TAF5L: variants seen among roughly 807,000 people sequenced by gnomAD.
TAF5L encodes the protein TAF5-like RNA polymerase II p300/CBP-associated factor-associated factor 65 kDa subunit 5L.
Under a neutral mutation model 51.3 loss-of-function variants are expected in TAF5L, and 7 were observed. The observed-to-expected ratio is 0.14, with a 90% CI of 0.08 to 0.26. The LOEUF (loss-of-function observed/expected upper bound fraction) is 0.26, where lower values mean the gene tolerates loss of function less well. Ranked by LOEUF, TAF5L falls within the 10% of genes least tolerant of loss-of-function variation. The pLI, the probability that TAF5L is intolerant of heterozygous loss-of-function variation, is 1.00. For synonymous variants in TAF5L, 291 were observed against 308.1 expected (o/e 0.94, Z 0.58); for missense variants, 575 against 758.9 (o/e 0.76, Z 2.85).
chr1:229,603,054 A>AT lies in TAF5L; in HGVS notation c.248-136_248-135insA. 3 of 1,409,258 alleles carry AT rather than the reference A, an allele frequency of 2.1e-6. No individual in the cohort carries two copies. The Admixed American group carries it at 9.2e-5, about 43-fold the overall frequency. 87.3% of individuals were successfully genotyped at this position (1,409,258 alleles called of 1,614,324 possible). The stretch of plus-strand genomic sequence containing the variant: ...TTTTTAAGAGTACTGATTGAACTAT[A>AT]AGCCCAACACAGGATTCTGGAATTT... On this transcript the variant is annotated intron_variant, in intron 3 of 4. Transcript: ENST00000258281.
chr1:229,608,721 C>T (rs554498608), intron 3 of TAF5L, among the ~76,000 whole-genome samples: 2 of 152,164 alleles, frequency 1.3e-5, no homozygotes, highest in Non-Finnish European at 2.9e-5. Flanking sequence ...AATGTCTTGG[C>T]TGGGTGTGGT....
intron 3 of TAF5L, chr1:229,606,396 C>A (rs1156419203): frequency 1.0e-6 from 1 of 981,000 alleles, no homozygotes; most frequent in Non-Finnish European, 1.2e-6. Context: ...TATCTACCCA[C>A]TGAAATGTAA....
rs1251827125 is a variant in TAF5L, at chr1:229,602,636, G to A, written c.531C>T (p.Arg177=). ...CAGTATTGTTGTCACTTTGGAGGTA[G>A]CGGATAAGGTAGTTGTAGCTGTCTT... The change falls in exon 4 of 5, where the codon CGC becomes CGT. Residue 177 remains arginine (R), a synonymous_variant. Transcript: ENST00000258281. This position sits in a 1 kb window ranked among gnomAD's most constrained non-coding sequence, Gnocchi z 4.6. The A allele has an allele frequency of 1.2e-6, 2 of 1,614,078 alleles. No homozygotes were observed. Among genetic ancestry groups the A allele is most frequent in the Non-Finnish European group, 1.7e-6 (2 of 1,180,048 alleles).
chr1:229,604,721 G>A (rs572083711), intron 3 of TAF5L, among the ~76,000 whole-genome samples: 2 of 152,142 alleles, frequency 1.3e-5, no homozygotes, highest in African/African-American at 2.4e-5. Context: ...ATCAGCTTGC[G>A]AGATGAGTGC....
At chr1:229,620,102 A>C (rs1665150425) in intron 1 of TAF5L, among the ~76,000 whole-genome samples, 1 of 152,142 alleles carries the variant, frequency 6.6e-6, no homozygotes, top group African/African-American at 2.4e-5. Context: ...CTTACTTCAA[A>C]GAGGCCACCA....
rs185432417 is a variant in TAF5L at position 229,616,645 on chromosome 1, G to T, written c.-3-2160C>A. Among the ~76,000 whole-genome samples, 979 of 152,174 alleles carry T rather than the reference G, an allele frequency of 6.4e-3. 9 individuals carry two copies. The highest frequency in any genetic ancestry group is 0.011 in the Non-Finnish European group (765 of 67,998). On this transcript the variant is annotated intron_variant, in intron 1 of 4. Coordinates refer to ENST00000258281, the Ensembl canonical transcript of TAF5L. ...CTAACACACTGTCCCAATACCATTT[G>T]CAAGTAATTATTTCCTTCTAAACTG... is the stretch of plus-strand genomic sequence containing the variant.
chr1:229,624,193 C>G (rs1232362631), intron 1 of TAF5L, among the ~76,000 whole-genome samples: 1 of 152,184 alleles, frequency 6.6e-6, no homozygotes, highest in African/African-American at 2.4e-5. Context: ...TTAAGTGAGG[C>G]CTTTACCTAG....
chr1:229,602,336 G>T lies in TAF5L; in HGVS notation c.831C>A (p.Ser277=). The T allele has an allele frequency of 6.2e-7, 1 of 1,614,162 alleles. No individual in the cohort carries two copies. Among genetic ancestry groups the T allele is most frequent in the Non-Finnish European group, 8.5e-7 (1 of 1,180,030 alleles). Residue 277 remains serine, a synonymous_variant, in exon 4 of 5, where the codon TCC becomes TCA. Transcript: ENST00000258281. The surrounding 1 kb of genome is among the most constrained non-coding windows in gnomAD (Gnocchi z 4.6). ...CAGCAGCAAGCAGCTTGCTATCGGG[G>T]GAGATTTCTGCAGTGTTCAACAGCT...
At chr1:229,609,477 C>T (rs1253132551) in intron 3 of TAF5L, among the ~76,000 whole-genome samples, 4 of 152,062 alleles carry the variant, frequency 2.6e-5, no homozygotes, top group Admixed American at 6.5e-5. Flanking sequence ...CATCCCTTTC[C>T]GATTTATCTT....
chr1:229,602,925 A>G lies in TAF5L; in HGVS notation c.248-6T>C. The G allele has an allele frequency of 6.3e-7, 1 of 1,579,246 alleles. No homozygotes were observed. The highest frequency in any genetic ancestry group is 8.5e-7 in the Non-Finnish European group (1 of 1,170,776). ...GCTATGCTGGGAATCAGAATCTATA[A>G]TGAAAGAAAAAGAAGGCTTTATAAT... On this transcript the variant is annotated splice_polypyrimidine_tract_variant and splice_region_variant and intron_variant, in intron 3 of 4. Coordinates refer to ENST00000258281, the Ensembl canonical transcript of TAF5L. The surrounding 1 kb of genome is among the most constrained non-coding windows in gnomAD (Gnocchi z 4.6).
chr1:229,616,576 T>C (rs1377053828), intron 1 of TAF5L, among the ~76,000 whole-genome samples: 1 of 152,202 alleles, frequency 6.6e-6, no homozygotes, highest in Non-Finnish European at 1.5e-5. Flanking sequence ...TTTTAGTGTA[T>C]GTGTGGTGAA....
chr1:229,610,683 T>G (rs1233819521), intron 2 of TAF5L, among the ~76,000 whole-genome samples: 1 of 152,196 alleles, frequency 6.6e-6, no homozygotes, highest in Non-Finnish European at 1.5e-5. Flanking sequence ...AATTTCAAGG[T>G]CGGATATCCT....
intron 3 of TAF5L, chr1:229,607,474 A>G: frequency 1.0e-6 from 1 of 984,958 alleles, no homozygotes; most frequent in Non-Finnish European, 1.2e-6. Flanking sequence ...CTTTTTGCTC[A>G]TGTTATTTCT....
chr1:229,608,904 C>T (rs1041151883), intron 3 of TAF5L, among the ~76,000 whole-genome samples: 7 of 151,926 alleles, frequency 4.6e-5, no homozygotes, highest in African/African-American at 1.7e-4. Flanking sequence ...CTCAGGAGGC[C>T]GAGATGGGAG....
intron 4 of TAF5L, chr1:229,599,911 C>T (rs947880985): frequency 2.0e-5 from 20 of 985,324 alleles, no homozygotes; most frequent in Non-Finnish European, 2.3e-5. Context: ...TGCAAGCTGG[C>T]TTTTTAATCT....
chr1:229,600,004 T>C (rs1664308489), intron 4 of TAF5L: 1 of 985,496 alleles, frequency 1.0e-6, no homozygotes. Context: ...TTGGTTTCTC[T>C]AGGTATGTGA....
chr1:229,621,618 C>T (rs867197381), intron 1 of TAF5L, among the ~76,000 whole-genome samples: 1 of 151,978 alleles, frequency 6.6e-6, no homozygotes, highest in Non-Finnish European at 1.5e-5. Flanking sequence ...AAAAGGTAAG[C>T]CCAAACCTAT....
Position 229,602,994 on chromosome 1 carries a change from C to T in TAF5L, c.248-75G>A, listed in dbSNP as rs528334239. 141 of 1,487,250 alleles carry T rather than the reference C, an allele frequency of 9.5e-5. No individual in the cohort carries two copies. Among genetic ancestry groups the T allele is most frequent in the Non-Finnish European group, 9.9e-5 (112 of 1,128,610 alleles). The allele number at this position is 1,487,250 out of a possible 1,614,324, so 92.1% of individuals were successfully genotyped here. A position where few individuals can be genotyped will look rare whatever the true frequency, so the allele number is the denominator to read the frequency against. On this transcript the variant is annotated intron_variant, in intron 3 of 4. Transcript: ENST00000258281. This position sits in a 1 kb window ranked among gnomAD's most constrained non-coding sequence, Gnocchi z 4.6. ...TAACGTGATCCCTCCTGGGGATCAC[C>T]ACCATCATATAATGCTTTCTTGCCA... is the stretch of plus-strand genomic sequence containing the variant.
At position 229,619,425 on chromosome 1, in the gene TAF5L, C is replaced by T. The variant is rs575407599; in HGVS notation, c.-3-4940G>A. On this transcript the variant is annotated intron_variant, in intron 1 of 4. Transcript: ENST00000258281. Reference sequence around the variant, plus strand: ...AAATAAAATGGCACATGGATAAGGCCGTAGCTGGGCTCAGGACGCAGTGAA... The same window carrying T: ...AAATAAAATGGCACATGGATAAGGCTGTAGCTGGGCTCAGGACGCAGTGAA... Among the ~76,000 whole-genome samples the T allele has an allele frequency of 5.9e-5, 9 of 152,228 alleles. No individual in the cohort carries two copies. In the South Asian group the frequency reaches 1.7e-3, roughly 28 times the overall value.
Sources: allele counts gnomAD v4.1 joint callset (sites outside exome capture counted in the v4.1 genomes callset), GRCh38; gene constraint gnomAD v4.1.1; non-coding constraint Gnocchi (gnomAD v3.1); transcripts MANE v1.5; gene names NCBI Gene and HGNC (gene_info 2026-07-23, HGNC 2026-07-21).